GALNT18: variants seen among roughly 807,000 people sequenced by gnomAD.
The protein encoded by GALNT18 is GalNAc-transferase 18.
Under a neutral mutation model 69.5 loss-of-function variants are expected in GALNT18, and 44 were observed. The ratio of observed to expected loss-of-function variants is 0.63; its 90% CI spans 0.50 to 0.81. The LOEUF (loss-of-function observed/expected upper bound fraction) is 0.81. Ranked by LOEUF, GALNT18 falls within the 40% of genes least tolerant of loss-of-function variation. GALNT18 has a pLI of 0.00. For synonymous variants in GALNT18, 364 were observed against 318.2 expected (o/e 1.14, Z -1.53); for missense variants, 715 against 810.0 (o/e 0.88, Z 1.42).
chr11:11,445,683 T>A (rs1199788913), intron 2 of GALNT18, among the ~76,000 whole-genome samples: 2 of 152,198 alleles, frequency 1.3e-5, no homozygotes, highest in Non-Finnish European at 2.9e-5. Context: ...CCTCCACTGT[T>A]AAAGCCACTT....
Position 11,497,370 on chromosome 11 carries a change from ACC to A in GALNT18, c.236-48436_236-48435del, listed in dbSNP as rs1554943750. 7.4e-6 allele frequency among the ~76,000 whole-genome samples: 1 copy of A among 134,622 alleles called. No individual in the cohort carries two copies. The highest frequency in any genetic ancestry group is 3.0e-5 in the African/African-American group (1 of 32,928). 88.3% of individuals were successfully genotyped at this position (134,622 alleles called of 152,430 possible). ...CACACACACACACACACACACACAC[ACC>A]CCTTAGAATGGGGCTCCTTAAGAGC... is the stretch of plus-strand genomic sequence containing the variant. On this transcript the variant is annotated intron_variant, in intron 1 of 10. Coordinates refer to ENST00000227756, the MANE Select transcript of GALNT18 (RefSeq NM_198516.3). The surrounding 1 kb of genome is among the most constrained non-coding windows in gnomAD (Gnocchi z 4.2).
In GALNT18 at chr11:11,555,382, C is replaced by T. The variant is rs762556975; in HGVS notation, c.235+65977G>A. Among the ~76,000 whole-genome samples the T allele has an allele frequency of 4.6e-5, 7 of 152,232 alleles. No homozygotes were observed. The highest frequency in any genetic ancestry group is 8.8e-5 in the Non-Finnish European group (6 of 68,044). The stretch of plus-strand genomic sequence containing the variant: ...TCTTCCCCAACCCCAGCTTAATCCA[C>T]GCTCCAGTGCTTAGGAGCTCAGACT... On this transcript the variant is annotated intron_variant, in intron 1 of 10. Transcript: ENST00000227756. This position sits in a 1 kb window ranked among gnomAD's most constrained non-coding sequence, Gnocchi z 4.7.
intron 3 of GALNT18, among the ~76,000 whole-genome samples, chr11:11,398,686 T>C (rs1192999135): frequency 6.6e-6 from 1 of 152,166 alleles, no homozygotes; most frequent in Non-Finnish European, 1.5e-5. Context: ...ATCACTGAAC[T>C]AATAGGAAGT....
Position 11,528,306 on chromosome 11 carries a change from G to A in GALNT18, c.236-79370C>T, listed in dbSNP as rs137930982. Among the ~76,000 whole-genome samples the A allele has an allele frequency of 4.9e-3, 751 of 152,292 alleles. 5 individuals carry two copies. The highest frequency in any genetic ancestry group is 0.017 in the African/African-American group (713 of 41,560). ...AATTGCCTAAAATTCCAACTAGGAAGGTCAACTAAGGCCAAATTTTGACGG... is the reference window on the plus strand; with the variant it reads ...AATTGCCTAAAATTCCAACTAGGAAAGTCAACTAAGGCCAAATTTTGACGG... On this transcript the variant is annotated intron_variant, in intron 1 of 10. Coordinates refer to ENST00000227756, the MANE Select transcript of GALNT18 (RefSeq NM_198516.3).
rs763248179 is a variant in GALNT18 at position 11,383,729 on chromosome 11, A to C, written c.596-4465T>G. Among the ~76,000 whole-genome samples, 1 of 152,076 alleles carries C rather than the reference A, an allele frequency of 6.6e-6. No homozygotes were observed. Among genetic ancestry groups the C allele is most frequent in the Non-Finnish European group, 1.5e-5 (1 of 68,028 alleles). On this transcript the variant is annotated intron_variant, in intron 3 of 10. Transcript: ENST00000227756. This position sits in a 1 kb window ranked among gnomAD's most constrained non-coding sequence, Gnocchi z 5.2. ...ATTGTAATCCCCATGTGTTAAGGTGATTGCATCATGGGGGCAGTTTCCCAC... is the reference window on the plus strand; with the variant it reads ...ATTGTAATCCCCATGTGTTAAGGTGCTTGCATCATGGGGGCAGTTTCCCAC...
At position 11,586,712 on chromosome 11, in the gene GALNT18, G is replaced by C. The variant is rs1446624945; in HGVS notation, c.235+34647C>G. ...AAATAGGCCGGGCTTGGTAGCTCAT[G>C]CCTGTAATCACAGCCCTTTGGGACG... On this transcript the variant is annotated intron_variant, in intron 1 of 10. Transcript: ENST00000227756. This position sits in a 1 kb window ranked among gnomAD's most constrained non-coding sequence, Gnocchi z 4.1. Among the ~76,000 whole-genome samples the C allele has an allele frequency of 6.6e-6, 1 of 152,150 alleles. No individual in the cohort carries two copies. Among genetic ancestry groups the C allele is most frequent in the Non-Finnish European group, 1.5e-5 (1 of 68,028 alleles).
At chr11:11,271,422 A>G (rs1052884360) in intron 10 of GALNT18, 132 bp from the exon 11 acceptor site, 3 of 856,346 alleles carry the variant, frequency 3.5e-6, no homozygotes, top group Admixed American at 2.3e-5. Context: ...CAGCATTCCC[A>G]TGAAACTGCA....
At chr11:11,414,710 G>A (rs1185806296) in intron 3 of GALNT18, among the ~76,000 whole-genome samples, 1 of 152,180 alleles carries the variant, frequency 6.6e-6, no homozygotes, top group Admixed American at 6.5e-5. Flanking sequence ...TAAGAGCAGG[G>A]ACTGGGTCAA....
intron 3 of GALNT18, among the ~76,000 whole-genome samples, chr11:11,401,910 C>T (rs1199655287): frequency 1.3e-5 from 2 of 152,156 alleles, no homozygotes; most frequent in African/African-American, 4.8e-5. Flanking sequence ...AAGGAAATTC[C>T]CAACAACTAA....
intron 1 of GALNT18, among the ~76,000 whole-genome samples, chr11:11,510,498 A>G (rs1353990089): frequency 6.6e-6 from 1 of 152,102 alleles, no homozygotes; most frequent in African/African-American, 2.4e-5. Flanking sequence ...GGCACTGGGC[A>G]TGCAGAAAGT....
chr11:11,507,790 C>T (rs1857093757), intron 1 of GALNT18, among the ~76,000 whole-genome samples: 1 of 152,152 alleles, frequency 6.6e-6, no homozygotes, highest in African/African-American at 2.4e-5. Context: ...AAGGTAGACC[C>T]ACCCTCAATC....
At chr11:11,527,058 C>T (rs1487128753) in intron 1 of GALNT18, among the ~76,000 whole-genome samples, 1 of 152,098 alleles carries the variant, frequency 6.6e-6, no homozygotes, top group African/African-American at 2.4e-5. Flanking sequence ...CAGGCCTTGA[C>T]ACCAGATTGC....
At chr11:11,294,980 A>G (rs371827165) in intron 9 of GALNT18, among the ~76,000 whole-genome samples, 91 of 152,368 alleles carry the variant, frequency 6.0e-4, no homozygotes, top group African/African-American at 2.1e-3. Context: ...ACATGTTCAA[A>G]AATTCTCATT....
chr11:11,621,441 C>T lies in GALNT18; in HGVS notation c.153G>A (p.Lys51=). The change falls in exon 1 of 11, where the codon AAG becomes AAA. Residue 51 remains lysine, a synonymous_variant. Transcript: ENST00000227756. This position sits in a 1 kb window ranked among gnomAD's most constrained non-coding sequence, Gnocchi z 9.3. ...VRGQEPAPDK[K]LEEDKGDTLK... is the part of the protein sequence containing the mutation. Reference sequence around the variant, plus strand: ...GAGTGTCCCCTTTGTCTTCCTCCAGCTTCTTGTCGGGCGCCGGCTCCTGCC... The same window carrying T: ...GAGTGTCCCCTTTGTCTTCCTCCAGTTTCTTGTCGGGCGCCGGCTCCTGCC... The T allele has an allele frequency of 6.2e-7, 1 of 1,614,156 alleles. No homozygotes were observed. The highest frequency in any genetic ancestry group is 1.1e-5 in the South Asian group (1 of 91,074).
chr11:11,361,771 A>G (rs1246429700), intron 6 of GALNT18, among the ~76,000 whole-genome samples: 2 of 152,202 alleles, frequency 1.3e-5, no homozygotes, highest in South Asian at 2.1e-4. Context: ...ACATTATGAA[A>G]ATTAAACAGC....
chr11:11,283,298 C>T (rs745528689), intron 10 of GALNT18, among the ~76,000 whole-genome samples: 1 of 152,154 alleles, frequency 6.6e-6, no homozygotes, highest in Non-Finnish European at 1.5e-5. Context: ...AGACATGCAC[C>T]ATCATGCCTG....
At chr11:11,352,641 T>C (rs758848628) in intron 6 of GALNT18, 4 of 1,614,212 alleles carry the variant, frequency 2.5e-6, no homozygotes, top group South Asian at 1.1e-5. Context: ...CATGACATTA[T>C]GGGGCTTGAC....
intron 1 of GALNT18, among the ~76,000 whole-genome samples, chr11:11,493,530 T>C (rs928613380): frequency 2.0e-5 from 3 of 152,178 alleles, no homozygotes; most frequent in African/African-American, 7.2e-5. Flanking sequence ...TATTGAGGAA[T>C]TGTTAAGAGA....
At chr11:11,408,012 T>G (rs543377049) in intron 3 of GALNT18, among the ~76,000 whole-genome samples, 4 of 152,298 alleles carry the variant, frequency 2.6e-5, no homozygotes, top group East Asian at 1.9e-4. Flanking sequence ...GAGTTTACAA[T>G]AGAGCTGCCC....
Sources: gnomAD v4.1 joint callset for allele counts (sites outside exome capture counted in the v4.1 genomes callset) on GRCh38, gnomAD v4.1.1 for gene constraint, Gnocchi (gnomAD v3.1) non-coding constraint, MANE v1.5 for transcripts, NCBI Gene and HGNC (gene_info 2026-07-23, HGNC 2026-07-21) for gene names.